TRIM44: variants seen among roughly 807,000 people sequenced by gnomAD.
The protein encoded by TRIM44 is tripartite motif containing 44, also known as tripartite motif-containing protein 44.
TRIM44 carries 13 observed loss-of-function variants against 37.4 expected under a neutral mutation model. That is an observed-to-expected ratio of 0.35 (90% confidence interval 0.23 to 0.55). The LOEUF is 0.55. Among genes scored for constraint, TRIM44 ranks in the 20% least tolerant of loss-of-function variants. The pLI is 0.89. For missense variants in TRIM44, 426 were observed against 437.2 expected, an observed-to-expected ratio of 0.97 and a Z score of 0.23; for synonymous variants, 175 against 157.2, an observed-to-expected ratio of 1.11 and a Z score of -0.85.
At chr11:35,709,887 G>A (rs1174447248) in intron 2 of TRIM44, among the ~76,000 whole-genome samples, 8 of 152,272 alleles carry the variant, frequency 5.3e-5, no homozygotes, top group East Asian at 1.9e-4. Flanking sequence ...TTTGTGAATC[G>A]GGCAGCCCCC....
intron 2 of TRIM44, among the ~76,000 whole-genome samples, chr11:35,720,240 C>T (rs988965012): frequency 2.6e-5 from 4 of 152,056 alleles, no homozygotes; most frequent in Non-Finnish European, 4.4e-5. Context: ...AGATCTTGTA[C>T]GTATTTTGTT....
rs1853596487 is a variant in TRIM44 at position 35,817,806 on chromosome 11, T to C, written c.*11421T>C. 2 of 152,198 alleles carry C rather than the reference T, an allele frequency of 1.3e-5. No homozygotes were observed. The highest frequency in any genetic ancestry group is 1.3e-4 in the Admixed American group (2 of 15,270). 9.4% of individuals were successfully genotyped at this position (152,198 alleles called of 1,614,324 possible). On this transcript the variant is annotated 3_prime_UTR_variant, in exon 5 of 5. Coordinates refer to ENST00000299413, the MANE Select transcript of TRIM44 (RefSeq NM_017583.6). ...CTTTGTTGTCATGATAGTGAGTTCT[T>C]GTGAGATCTGGTTGTTTAAAAATAT...
chr11:35,805,478 C>T (rs766326444), intron 4 of TRIM44, among the ~76,000 whole-genome samples: 1 of 152,302 alleles, frequency 6.6e-6, no homozygotes, highest in Admixed American at 6.5e-5. Context: ...GAGGTACTAG[C>T]CATGCCTGAG....
chr11:35,804,071 C>T (rs775950460), intron 4 of TRIM44, among the ~76,000 whole-genome samples: 17 of 152,142 alleles, frequency 1.1e-4, no homozygotes, highest in African/African-American at 3.6e-4. Context: ...GGGCAACTCC[C>T]GTGTTCATCT....
Position 35,708,462 on chromosome 11 carries a change from T to C in TRIM44, c.748-17462T>C, listed in dbSNP as rs868589234. Among the ~76,000 whole-genome samples the C allele has an allele frequency of 6.5e-4, 99 of 151,950 alleles. 1 individual carries two copies. In the South Asian group the frequency reaches 0.013, roughly 20 times the overall value. ...ATGCTGCTATAAAGACACATGCACATGTATGTTTATTGTGGCACTATTCAC... is the reference window on the plus strand; with the variant it reads ...ATGCTGCTATAAAGACACATGCACACGTATGTTTATTGTGGCACTATTCAC... On this transcript the variant is annotated intron_variant, in intron 2 of 4. Coordinates refer to ENST00000299413, the MANE Select transcript of TRIM44 (RefSeq NM_017583.6).
At chr11:35,742,341 C>T (rs1274909977) in intron 4 of TRIM44, among the ~76,000 whole-genome samples, 2 of 146,590 alleles carry the variant, frequency 1.4e-5, no homozygotes, top group East Asian at 2.0e-4. Context: ...GTATTTTAAA[C>T]ATTTACATAT....
intron 2 of TRIM44, among the ~76,000 whole-genome samples, chr11:35,712,579 T>A (rs184466073): frequency 5.9e-5 from 9 of 152,312 alleles, no homozygotes; most frequent in African/African-American, 2.2e-4. Context: ...GGAGCATTGT[T>A]ACAAAGCAGA....
intron 4 of TRIM44, among the ~76,000 whole-genome samples, chr11:35,758,939 C>T (rs1852685554): frequency 6.6e-6 from 1 of 152,118 alleles, no homozygotes. Flanking sequence ...AACGTTTTTT[C>T]CTTCATTTCA....
intron 1 of TRIM44, among the ~76,000 whole-genome samples, chr11:35,680,633 A>G (rs1178176691): frequency 2.0e-5 from 3 of 152,156 alleles, no homozygotes; most frequent in Admixed American, 6.5e-5. Context: ...TGCAATAAAT[A>G]CTTTTGTACA....
At position 35,746,033 on chromosome 11, in the gene TRIM44, C is replaced by G. The variant is rs569481191; in HGVS notation, c.1007+10588C>G. Among the ~76,000 whole-genome samples the G allele has an allele frequency of 2.6e-5, 4 of 152,300 alleles. No homozygotes were observed. The East Asian group carries it at 7.7e-4, about 29-fold the overall frequency. Reference sequence around the variant, plus strand: ...GAGAAAAGCAACATTGAAGCACCATCTTCCAAATAGATTTAAGGATTTAGA... The same window carrying G: ...GAGAAAAGCAACATTGAAGCACCATGTTCCAAATAGATTTAAGGATTTAGA... On this transcript the variant is annotated intron_variant, in intron 4 of 4. Coordinates refer to ENST00000299413, the MANE Select transcript of TRIM44 (RefSeq NM_017583.6).
intron 2 of TRIM44, among the ~76,000 whole-genome samples, chr11:35,700,106 G>T (rs1419502804): frequency 6.6e-6 from 1 of 152,090 alleles, no homozygotes; most frequent in African/African-American, 2.4e-5. Context: ...CTACTTTAAA[G>T]TTCATACGGA....
At chr11:35,709,750 A>G (rs1267822411) in intron 2 of TRIM44, among the ~76,000 whole-genome samples, 1 of 152,206 alleles carries the variant, frequency 6.6e-6, no homozygotes, top group East Asian at 1.9e-4. Context: ...TGGGCACCTT[A>G]CTTGTTCACT....
In TRIM44 at chr11:35,814,389, C is replaced by CA. The variant is rs1163999800; in HGVS notation, c.*8005dup. ...TCCAGGGCCACTTTTGACCTTAATC[C>CA]ATGTTGGAGCCATCAATCAAAGAAT... is the stretch of plus-strand genomic sequence containing the variant. On this transcript the variant is annotated 3_prime_UTR_variant, in exon 5 of 5. Transcript: ENST00000299413. 6.6e-6 allele frequency: 1 copy of CA among 152,144 alleles called. No individual in the cohort carries two copies. The highest frequency in any genetic ancestry group is 1.5e-5 in the Non-Finnish European group (1 of 68,034). 9.4% of individuals were successfully genotyped at this position (152,144 alleles called of 1,614,324 possible).
rs146369292 is a variant in TRIM44 at position 35,789,167 on chromosome 11, G to A, written c.1008-17191G>A. Among the ~76,000 whole-genome samples, 455 of 152,210 alleles carry A rather than the reference G, an allele frequency of 3.0e-3. 1 individual carries two copies. Among genetic ancestry groups the A allele is most frequent in the African/African-American group, 0.01 (418 of 41,536 alleles). On this transcript the variant is annotated intron_variant, in intron 4 of 4. Coordinates refer to ENST00000299413, the MANE Select transcript of TRIM44 (RefSeq NM_017583.6). The stretch of plus-strand genomic sequence containing the variant: ...TGCTGGGCTGAGTGAAGATTGCAGT[G>A]GAATGTTTTAAGTAGTGAGTGGGTG...
At chr11:35,693,691 A>C (rs1412417379) in intron 2 of TRIM44, among the ~76,000 whole-genome samples, 1 of 152,122 alleles carries the variant, frequency 6.6e-6, no homozygotes, top group Non-Finnish European at 1.5e-5. Flanking sequence ...GTTCTCACTT[A>C]GGTGAGTGTA....
intron 2 of TRIM44, among the ~76,000 whole-genome samples, chr11:35,698,225 GA>G (rs1052564175): frequency 4.1e-5 from 6 of 147,120 alleles, no homozygotes; most frequent in African/African-American, 1.5e-4. Flanking sequence ...TTGCTATTGT[GA>G]ATAGTGCCAC....
intron 1 of TRIM44, among the ~76,000 whole-genome samples, chr11:35,679,433 C>T (rs1404812106): frequency 1.3e-5 from 2 of 152,118 alleles, no homozygotes; most frequent in Non-Finnish European, 2.9e-5. Flanking sequence ...AAGAAAGGCA[C>T]CCCAATTTTC....
At chr11:35,690,120 C>T (rs1193256423) in intron 2 of TRIM44, among the ~76,000 whole-genome samples, 2 of 152,158 alleles carry the variant, frequency 1.3e-5, no homozygotes, top group African/African-American at 4.8e-5. Context: ...ATACCCAAGG[C>T]TTCCTGAAAC....
chr11:35,760,189 A>G (rs1361908988), intron 4 of TRIM44, among the ~76,000 whole-genome samples: 1 of 152,200 alleles, frequency 6.6e-6, no homozygotes, highest in Non-Finnish European at 1.5e-5. Context: ...AGCCTCGGTA[A>G]TGGCAGGTGC....
Sources: gnomAD v4.1 joint callset for allele counts (sites outside exome capture counted in the v4.1 genomes callset) on GRCh38, gnomAD v4.1.1 for gene constraint, MANE v1.5 for transcripts, NCBI Gene and HGNC (gene_info 2026-07-23, HGNC 2026-07-21) for gene names.